The following PTBP2 variants were observed in gnomAD, a reference collection of about 807,000 sequenced individuals.
PTBP2 encodes the protein polypyrimidine tract-binding protein 2.
Under a neutral mutation model 61.4 loss-of-function variants are expected in PTBP2, and 13 were observed. The ratio of observed to expected loss-of-function variants is 0.21; its 90% CI spans 0.14 to 0.34. The LOEUF (loss-of-function observed/expected upper bound fraction) is 0.34, where lower values mean the gene tolerates loss of function less well. PTBP2 is among the 10% of genes least tolerant of loss of function. PTBP2 has a pLI of 1.00. For missense variants in PTBP2, 405 were observed against 642.6 expected (o/e 0.63, Z 4.00); for synonymous variants, 215 against 218.5 (o/e 0.98, Z 0.14).
chr1:96,761,271 C>A (rs1655814692), intron 3 of PTBP2, among the ~76,000 whole-genome samples: 1 of 151,310 alleles, frequency 6.6e-6, no homozygotes, highest in African/African-American at 2.4e-5. Flanking sequence ...GTAGTTGTGT[C>A]TTGCTGTAAT....
At chr1:96,809,261 A>G (rs1198519724) in intron 11 of PTBP2, among the ~76,000 whole-genome samples, 4 of 152,186 alleles carry the variant, frequency 2.6e-5, no homozygotes, top group African/African-American at 9.7e-5. Context: ...CAAATGATAC[A>G]ATACAATTAC....
intron 5 of PTBP2, 160 bp downstream of exon 5, chr1:96,771,011 A>G: frequency 1.8e-6 from 1 of 565,388 alleles, no homozygotes; most frequent in Non-Finnish European, 2.9e-6. Flanking sequence ...AGTATTAAAT[A>G]CTATGTCATT....
intron 5 of PTBP2, 149 bp downstream of exon 5, chr1:96,771,000 A>C (rs929479879): frequency 1.6e-6 from 1 of 641,786 alleles, no homozygotes; most frequent in Non-Finnish European, 2.6e-6. Context: ...GAATGTTTCT[A>C]AGTATTAAAT....
intron 2 of PTBP2, among the ~76,000 whole-genome samples, chr1:96,745,124 A>G (rs1007938456): frequency 2.6e-5 from 4 of 152,280 alleles, no homozygotes; most frequent in Admixed American, 2.6e-4. Flanking sequence ...CAAATAAAAA[A>G]ACTTGAATGT....
At chr1:96,741,416 A>T (rs1653002079) in intron 2 of PTBP2, among the ~76,000 whole-genome samples, 1 of 151,940 alleles carries the variant, frequency 6.6e-6, no homozygotes, top group Non-Finnish European at 1.5e-5. Context: ...ATACACCACT[A>T]TGCCCAGCTA....
intron 8 of PTBP2, among the ~76,000 whole-genome samples, chr1:96,801,937 C>T (rs965780244): frequency 2.0e-5 from 3 of 151,220 alleles, no homozygotes; most frequent in East Asian, 2.0e-4. Flanking sequence ...TTAGGCCGGG[C>T]GCGGTGGCTC....
chr1:96,746,816 CT>C, intron 2 of PTBP2, among the ~76,000 whole-genome samples: 1 of 143,534 alleles, frequency 7.0e-6, no homozygotes, highest in Non-Finnish European at 1.5e-5. Context: ...TTTATGCTGT[CT>C]TGTCTGTCTG....
In PTBP2 at chr1:96,774,932, G is replaced by C. The variant is rs556784377; in HGVS notation, c.433-2653G>C. Among the ~76,000 whole-genome samples, 6 of 152,222 alleles carry C rather than the reference G, an allele frequency of 3.9e-5. No individual in the cohort carries two copies. In the South Asian group the frequency reaches 1.2e-3, roughly 32 times the overall value. On this transcript the variant is annotated intron_variant, in intron 5 of 13. Coordinates refer to ENST00000674951, the MANE Select transcript of PTBP2 (RefSeq NM_021190.4). ...CCTGTAACCTGGCATGTTTTCTCTT[G>C]ATGTCAGTCGTTTGCTGCCATTATG...
chr1:96,737,172 G>C (rs994189398), intron 2 of PTBP2, among the ~76,000 whole-genome samples: 3 of 151,802 alleles, frequency 2.0e-5, no homozygotes, highest in Admixed American at 2.0e-4. Flanking sequence ...GTAGAGATGG[G>C]TTTTACCATG....
intron 8 of PTBP2, 43 bp from the exon 9 acceptor site, chr1:96,804,757 C>T (rs746142542): frequency 4.5e-6 from 7 of 1,558,978 alleles, no homozygotes; most frequent in East Asian, 4.5e-5. Context: ...GTGTGTGTTT[C>T]GTAAAATATG....
At chr1:96,809,143 A>G (rs558981924) in intron 11 of PTBP2, among the ~76,000 whole-genome samples, 2 of 152,284 alleles carry the variant, frequency 1.3e-5, no homozygotes, top group East Asian at 1.9e-4. Flanking sequence ...TAATAAGTAG[A>G]TAGAACTACA....
At chr1:96,738,516 G>T (rs548944019) in intron 2 of PTBP2, among the ~76,000 whole-genome samples, 3 of 152,116 alleles carry the variant, frequency 2.0e-5, no homozygotes, top group East Asian at 3.9e-4. Context: ...CTTGTGATCC[G>T]CCCGCCTCGG....
At chr1:96,753,744 A>C (rs766708175) in intron 3 of PTBP2, among the ~76,000 whole-genome samples, 77 of 150,994 alleles carry the variant, frequency 5.1e-4, no homozygotes, top group Middle Eastern at 3.5e-3. Flanking sequence ...AACTATAAAG[A>C]AAGCATGTAG....
At chr1:96,770,377 A>C (rs1657239665) in intron 4 of PTBP2, among the ~76,000 whole-genome samples, 1 of 151,970 alleles carries the variant, frequency 6.6e-6, no homozygotes, top group Non-Finnish European at 1.5e-5. Context: ...ATGACTTGGA[A>C]ATCTTACATT....
chr1:96,775,672 T>G (rs914822627), intron 5 of PTBP2, among the ~76,000 whole-genome samples: 1 of 152,170 alleles, frequency 6.6e-6, no homozygotes, highest in Non-Finnish European at 1.5e-5. Flanking sequence ...AGCTTTATAC[T>G]TAGGTTTTGT....
At position 96,777,744 on chromosome 1, in the gene PTBP2, C is replaced by T; in HGVS notation, c.592C>T (p.His198Tyr). The T allele has an allele frequency of 1.9e-6, 3 of 1,594,780 alleles. No homozygotes were observed. The highest frequency in any genetic ancestry group is 2.6e-6 in the Non-Finnish European group (3 of 1,169,566). Residue 198 changes from histidine to tyrosine, a missense_variant, in exon 6 of 14, where the codon CAC becomes TAC. Around this residue, in one of 4 missense-constraint regions of PTBP2, gnomAD observed 342 missense variants for 491.2 expected, o/e 0.70. Transcript: ENST00000674951. ...MYYPVTLDVL[H>Y]QIFSKFGAVL... ...CTACCCTGTAACACTTGATGTTCTT[C>T]ACCAAGTAAGTTTAATCTGCATAAT...
chr1:96,750,206 T>C (rs1654361551), intron 2 of PTBP2, among the ~76,000 whole-genome samples: 1 of 151,946 alleles, frequency 6.6e-6, no homozygotes, highest in Non-Finnish European at 1.5e-5. Flanking sequence ...TTGAGAATGA[T>C]TAGAGTATTC....
At chr1:96,726,074 C>CAAAAAAAAAAAAA (rs762152365) in intron 2 of PTBP2, among the ~76,000 whole-genome samples, 4 of 54,216 alleles carry the variant, frequency 7.4e-5, no homozygotes. Context: ...GACTCTATCT[C>CAAAAAAAAAAAAA]AAAAAAAAAA....
intron 10 of PTBP2, 57 bp from the exon 11 acceptor site, chr1:96,806,809 G>A (rs1661535038): frequency 4.7e-6 from 6 of 1,268,620 alleles, no homozygotes; most frequent in Non-Finnish European, 4.5e-6. Context: ...ATCTTTAGGT[G>A]ACTTCCACAT....
Sources: allele counts gnomAD v4.1 joint callset (sites outside exome capture counted in the v4.1 genomes callset), GRCh38; gene constraint gnomAD v4.1.1; regional missense constraint gnomAD v4.1.1; transcripts MANE v1.5; gene names NCBI Gene and HGNC (gene_info 2026-07-23, HGNC 2026-07-21).